Variants in KIAA1210 observed in about 807,000 individuals in gnomAD.
The protein encoded by KIAA1210 is acrosomal protein KIAA1210.
A neutral mutation model predicts 78.9 loss-of-function variants in KIAA1210; 48 were observed. The observed-to-expected ratio is 0.61, with a 90% CI of 0.48 to 0.77. KIAA1210 has a LOEUF of 0.77. Among genes scored for constraint, KIAA1210 ranks in the 30% least tolerant of loss-of-function variants. KIAA1210 has a pLI of 0.00. For synonymous variants in KIAA1210, 406 were observed against 404.5 expected, an observed-to-expected ratio of 1.00 and a Z score of -0.04; for missense variants, 1,108 against 1,100.0, an observed-to-expected ratio of 1.01 and a Z score of -0.10.
At position 119,087,006 on chromosome X, in the gene KIAA1210, G is replaced by A; in HGVS notation, c.3696C>T (p.Thr1232=). 8.3e-7 allele frequency: 1 copy of A among 1,211,080 alleles called. No individual in the cohort carries two copies. The highest frequency in any genetic ancestry group is 2.2e-5 in the Admixed American group (1 of 45,969). The change falls in exon 9 of 12, where the codon ACC becomes ACT. Residue 1232 remains threonine (T), a synonymous_variant. Transcript: ENST00000691062. ...TTTTGGAACCTTGGCTGAATTTCTTGGTTTTGATTGCAAAAGCTTCATCTC... is the reference window on the plus strand; with the variant it reads ...TTTTGGAACCTTGGCTGAATTTCTTAGTTTTGATTGCAAAAGCTTCATCTC... The part of the protein sequence containing the change: ...LGRDEAFAIK[T]KKFSQGSKNP...
chrX:119,127,073 C>CA (rs5903547), intron 1 of KIAA1210, among the ~76,000 whole-genome samples: 38 of 92,641 alleles, frequency 4.1e-4, no homozygotes, highest in African/African-American at 1.2e-3. Context: ...GAACCTGTCT[C>CA]AAAAAAAAAA....
chrX:119,092,796 T>TAAATAAAG (rs1424432156), intron 8 of KIAA1210, among the ~76,000 whole-genome samples: 1 of 108,637 alleles, frequency 9.2e-6, no homozygotes, highest in Non-Finnish European at 1.9e-5. Context: ...AATAAATAAA[T>TAAATAAAG]AAATAAAAAT....
Position 119,089,180 on chromosome X carries a change from T to C in KIAA1210, c.1522A>G (p.Ile508Val). 8.3e-7 allele frequency: 1 copy of C among 1,210,153 alleles called. No homozygotes were observed. The change falls in exon 9 of 12, where the codon ATT (isoleucine) becomes GTT (valine). Residue 508 changes from isoleucine to valine, a missense_variant. Around this residue, in one of 5 missense-constraint regions of KIAA1210, gnomAD observed 672 missense variants for 607.1 expected, o/e 1.11. Coordinates refer to ENST00000691062, the MANE Select transcript of KIAA1210 (RefSeq NM_001394962.1). ...TGAGCCTCTGCTGCTACTGAGAGAATGGCCTCCTCTTGGGTTGTAGAAAGG... is the reference window on the plus strand; with the variant it reads ...TGAGCCTCTGCTGCTACTGAGAGAACGGCCTCCTCTTGGGTTGTAGAAAGG... ...ESLSTTQEEA[I>V]LSVAAEAQVF...
At chrX:119,117,541 C>T (rs1928311380) in intron 2 of KIAA1210, among the ~76,000 whole-genome samples, 1 of 107,997 alleles carries the variant, frequency 9.3e-6, no homozygotes, top group Non-Finnish European at 1.9e-5. Context: ...TTTTAAATGC[C>T]CTTAAGGTGC....
chrX:119,150,407 T>G, exon 1 of KIAA1210: 1 of 1,211,495 alleles, frequency 8.3e-7, no homozygotes, highest in Non-Finnish European at 1.1e-6. Context: ...GCTTCCCTCC[T>G]TCTTGCCTTT....
In KIAA1210 at chrX:119,115,500, C is replaced by T. The variant is rs1375442742; in HGVS notation, c.230+996G>A. 3.6e-5 allele frequency among the ~76,000 whole-genome samples: 4 copies of T among 111,803 alleles called. No homozygotes were observed. The East Asian group carries it at 1.1e-3, about 31-fold the overall frequency. ...CTCCCAGCAAGACTACTTGAAATTC[C>T]TTACACTGGATGCACTCATGAAGGT... On this transcript the variant is annotated intron_variant, in intron 3 of 11. Transcript: ENST00000691062.
intron 8 of KIAA1210, among the ~76,000 whole-genome samples, chrX:119,092,865 A>C (rs1173055016): frequency 1.8e-5 from 2 of 110,092 alleles, no homozygotes; most frequent in Non-Finnish European, 3.8e-5. Flanking sequence ...TTTTTTCTGG[A>C]GGGTTTTGTG....
At chrX:119,111,599 C>T (rs1454646226) in intron 3 of KIAA1210, among the ~76,000 whole-genome samples, 1 of 80,325 alleles carries the variant, frequency 1.2e-5, no homozygotes, top group African/African-American at 4.9e-5. Flanking sequence ...ACACTGGGGC[C>T]TGTTGTGGGG....
At chrX:119,099,715 C>A (rs972939822) in intron 6 of KIAA1210, among the ~76,000 whole-genome samples, 2 of 111,787 alleles carry the variant, frequency 1.8e-5, no homozygotes, top group Non-Finnish European at 3.8e-5. Flanking sequence ...TCCCCCAGCA[C>A]CAAAATCACC....
rs1217157335 is a variant in KIAA1210 at position 119,117,840 on chromosome X, T to C, written c.62-1176A>G. On this transcript the variant is annotated intron_variant, in intron 2 of 11. Coordinates refer to ENST00000691062, the MANE Select transcript of KIAA1210 (RefSeq NM_001394962.1). ...AGTTCTAGTCTCAAACGCGAACTCT[T>C]GGGCTCAAGTGATCCACCCGCCTTG... Among the ~76,000 whole-genome samples, 4 of 111,012 alleles carry C rather than the reference T, an allele frequency of 3.6e-5. No individual in the cohort carries two copies. In the Admixed American group the frequency reaches 3.8e-4, roughly 11 times the overall value.
Position 119,087,268 on chromosome X carries a change from C to T in KIAA1210, c.3434G>A (p.Trp1145Ter). 1 of 1,211,227 alleles carries T rather than the reference C, an allele frequency of 8.3e-7. No individual in the cohort carries two copies. ...AGGCAGCTGCTTTTTAGAATTCCTC[C>T]ACTCTTTAGGAGAACTGGCAGAAAC... Reference protein sequence around the residue: ...SPVSASSPKEWRNSKKQLPPK... With the variant: ...SPVSASSPKE Residue 1145 changes from tryptophan to a stop codon, truncating the protein, a stop_gained, in exon 9 of 12, where the codon TGG becomes TAG. Transcript: ENST00000691062. LOFTEE classifies it high-confidence loss of function.
intron 5 of KIAA1210, among the ~76,000 whole-genome samples, chrX:119,106,818 G>T (rs1418021385): frequency 8.9e-6 from 1 of 111,942 alleles, no homozygotes; most frequent in Non-Finnish European, 1.9e-5. Flanking sequence ...AATAAAATTG[G>T]CTCAGTGTCA....
In KIAA1210 at chrX:119,085,525, G is replaced by T; in HGVS notation, c.4178C>A (p.Ser1393Ter). The T allele has an allele frequency of 8.3e-7, 1 of 1,209,177 alleles. No homozygotes were observed. Among genetic ancestry groups the T allele is most frequent in the Non-Finnish European group, 1.1e-6 (1 of 894,588 alleles). The part of the protein sequence containing the change: ...KTPGKPAGQQ[S>*]DYAVSEPVWI... ...AACCGGCTCTGAGACAGCATAATCTGACTGTTGACCAGCAGGCTTTCCTGA... is the reference window on the plus strand; with the variant it reads ...AACCGGCTCTGAGACAGCATAATCTTACTGTTGACCAGCAGGCTTTCCTGA... Residue 1393 changes from serine (S) to a stop codon, truncating the protein, a stop_gained, in exon 10 of 12, where the codon TCA becomes TAA. Transcript: ENST00000691062. LOFTEE classifies it high-confidence loss of function.
At chrX:119,099,478 A>G (rs1444331981) in intron 6 of KIAA1210, among the ~76,000 whole-genome samples, 1 of 112,518 alleles carries the variant, frequency 8.9e-6, no homozygotes, top group African/African-American at 3.2e-5. Flanking sequence ...GGGGCTAAAA[A>G]TTAAAGAGCA....
At chrX:119,120,385 G>T (rs894590764) in intron 2 of KIAA1210, among the ~76,000 whole-genome samples, 8 of 112,326 alleles carry the variant, frequency 7.1e-5, no homozygotes, top group Non-Finnish European at 1.9e-5. Context: ...TTCCTGAGTT[G>T]CAAACCTGCT....
rs747116807 is a variant in KIAA1210, at chrX:119,089,727, C to A, written c.975G>T (p.Gln325His). 8.3e-7 allele frequency: 1 copy of A among 1,201,343 alleles called. No individual in the cohort carries two copies. Among genetic ancestry groups the A allele is most frequent in the South Asian group, 1.8e-5 (1 of 54,856 alleles). The change falls in exon 9 of 12, where the codon CAG (glutamine) becomes CAT (histidine). Residue 325 changes from glutamine to histidine, a missense_variant. Transcript: ENST00000691062. ...TATCATACATCTCAGTTTTGTTGTT[C>A]TGTTTCTGGCTTGAGGAATCTGCAC... is the stretch of plus-strand genomic sequence containing the variant. ...MDSADSSSQK[Q>H]NNKTEMYDKK... is the part of the protein sequence containing the mutation.
chrX:119,089,294 C>T lies in KIAA1210; in HGVS notation c.1408G>A (p.Val470Ile), dbSNP rs375787147. Residue 470 changes from valine (V) to isoleucine (I), a missense_variant, in exon 9 of 12, where the codon GTT becomes ATT. By Grantham distance (29) the Val-to-Ile change is conservative. Around this residue, in one of 5 missense-constraint regions of KIAA1210, gnomAD observed 672 missense variants for 607.1 expected, o/e 1.11. Coordinates refer to ENST00000691062, the MANE Select transcript of KIAA1210 (RefSeq NM_001394962.1). ...TCATGGTATGGTTGTGGATCACTAA[C>T]CATGGAATTGTCCATGTTTTCAGGT... ...PIPENMDNSMVSDPQPYHEDA... is the reference protein window; with the variant it reads ...PIPENMDNSMISDPQPYHEDA... 23 of 1,209,710 alleles carry T rather than the reference C, an allele frequency of 1.9e-5. No individual in the cohort carries two copies. Among genetic ancestry groups the T allele is most frequent in the Non-Finnish European group, 2.5e-5 (22 of 894,766 alleles).
chrX:119,105,884 C>A (rs1467298924), intron 5 of KIAA1210, among the ~76,000 whole-genome samples: 3 of 111,647 alleles, frequency 2.7e-5, no homozygotes, highest in Non-Finnish European at 5.6e-5. Context: ...GGGTCAGAAT[C>A]CCTGCTTTTT....
intron 6 of KIAA1210, among the ~76,000 whole-genome samples, chrX:119,098,616 A>AG (rs1927635633): frequency 9.5e-6 from 1 of 105,636 alleles, no homozygotes; most frequent in South Asian, 4.0e-4. Flanking sequence ...AAAAAAAAAA[A>AG]AAAAAAAAAA....
Sources: allele counts gnomAD v4.1 joint callset (sites outside exome capture counted in the v4.1 genomes callset), GRCh38; gene constraint gnomAD v4.1.1; regional missense constraint gnomAD v4.1.1; transcripts MANE v1.5; gene names NCBI Gene and HGNC (gene_info 2026-07-23, HGNC 2026-07-21).